Variants in RPTOR observed in about 807,000 individuals in gnomAD.
RPTOR encodes the protein regulatory-associated protein of mTOR.
Under a neutral mutation model 169.9 loss-of-function variants are expected in RPTOR, and 21 were observed. The observed-to-expected ratio is 0.12, with a 90% confidence interval of 0.09 to 0.18. RPTOR has a LOEUF of 0.18. RPTOR is among the 10% of genes least tolerant of loss of function. The pLI is 1.00. For missense variants in RPTOR, 1,133 were observed against 1,855.9 expected (o/e 0.61, Z 7.16); for synonymous variants, 732 against 753.2 (o/e 0.97, Z 0.46).
chr17:80,854,695 C>G (rs934716454), intron 11 of RPTOR, among the ~76,000 whole-genome samples: 3 of 152,202 alleles, frequency 2.0e-5, no homozygotes, highest in Non-Finnish European at 4.4e-5. Context: ...AAGTTCAAGA[C>G]CTGCATGGGC....
intron 3 of RPTOR, among the ~76,000 whole-genome samples, chr17:80,687,336 A>G (rs1394112139): frequency 6.6e-6 from 1 of 152,176 alleles, no homozygotes; most frequent in Non-Finnish European, 1.5e-5. Flanking sequence ...TCAGATTGTC[A>G]TCTGATCGAG....
intron 24 of RPTOR, among the ~76,000 whole-genome samples, chr17:80,930,179 C>G (rs1418493645): frequency 9.1e-6 from 1 of 110,486 alleles, no homozygotes; most frequent in Admixed American, 9.2e-5. Context: ...TCATGCCCAG[C>G]TCATCCCCAG....
rs2067475405 is a variant in RPTOR at position 80,829,094 on chromosome 17, A to G, written c.1136+5871A>G. Among the ~76,000 whole-genome samples, 2 of 152,250 alleles carry G rather than the reference A, an allele frequency of 1.3e-5. 1 individual carries two copies. Among genetic ancestry groups the G allele is most frequent in the South Asian group, 4.1e-4 (2 of 4,832 alleles). On this transcript the variant is annotated intron_variant, in intron 9 of 33. Coordinates refer to ENST00000306801, the MANE Select transcript of RPTOR (RefSeq NM_020761.3). The stretch of plus-strand genomic sequence containing the variant: ...AAATTGATAGATATTACTTTGGTTA[A>G]TTAAAAGTCTGCCTGTAGATTTTCT...
At chr17:80,654,561 G>A (rs1243544841) in intron 3 of RPTOR, among the ~76,000 whole-genome samples, 5 of 152,228 alleles carry the variant, frequency 3.3e-5, no homozygotes, top group Admixed American at 2.6e-4. Context: ...GATTTAAAGC[G>A]CATAGCAGAA....
At chr17:80,614,690 A>G (rs2065295861) in intron 1 of RPTOR, among the ~76,000 whole-genome samples, 1 of 152,268 alleles carries the variant, frequency 6.6e-6, no homozygotes, top group Non-Finnish European at 1.5e-5. Context: ...CAGGCTGTAG[A>G]AACCATCTCA....
At chr17:80,547,510 T>G (rs1445177038) in intron 1 of RPTOR, among the ~76,000 whole-genome samples, 1 of 152,176 alleles carries the variant, frequency 6.6e-6, no homozygotes, top group East Asian at 1.9e-4. Flanking sequence ...GAAACAAAAG[T>G]TCTGTGACTC....
At chr17:80,591,071 A>AG (rs1568323100) in intron 1 of RPTOR, among the ~76,000 whole-genome samples, 1 of 143,302 alleles carries the variant, frequency 7.0e-6, no homozygotes, top group Non-Finnish European at 1.5e-5. Flanking sequence ...AGAGTTGTTC[A>AG]AAGTCACCTC....
chr17:80,770,419 G>A (rs1187223468), intron 6 of RPTOR, among the ~76,000 whole-genome samples: 4 of 152,288 alleles, frequency 2.6e-5, no homozygotes, highest in South Asian at 4.1e-4. Context: ...CAGCAGCAGC[G>A]TGGTCCGGGC....
chr17:80,722,473 A>G (rs8069141), intron 4 of RPTOR, among the ~76,000 whole-genome samples: 148,564 of 150,600 alleles, frequency 0.99, 73,347 homozygotes, highest in East Asian at 1. Flanking sequence ...AAGCTGGGAA[A>G]CTTTGGAAGA....
intron 5 of RPTOR, among the ~76,000 whole-genome samples, chr17:80,753,701 A>G (rs2066652781): frequency 6.6e-6 from 1 of 151,180 alleles, no homozygotes; most frequent in Admixed American, 6.6e-5. Context: ...GACCTGGTGG[A>G]CAGTGATACA....
intron 9 of RPTOR, among the ~76,000 whole-genome samples, chr17:80,833,984 G>A (rs572395694): frequency 1.3e-5 from 2 of 152,350 alleles, no homozygotes; most frequent in East Asian, 3.9e-4. Flanking sequence ...GTGAGACTCC[G>A]TCTCAAAAAA....
At chr17:80,835,335 C>T (rs906773142) in intron 9 of RPTOR, among the ~76,000 whole-genome samples, 4 of 152,060 alleles carry the variant, frequency 2.6e-5, no homozygotes, top group South Asian at 2.1e-4. Flanking sequence ...CCCTTTGACA[C>T]GGCAGCACGG....
chr17:80,700,766 GTGA>G (rs1567864756), intron 3 of RPTOR, among the ~76,000 whole-genome samples: 15 of 143,016 alleles, frequency 1.0e-4, no homozygotes, highest in Non-Finnish European at 1.7e-4. Context: ...GATGGTGATG[GTGA>G]TGGTAGAGAT....
At position 80,707,743 on chromosome 17, in the gene RPTOR, C is replaced by T. The variant is rs1215103302; in HGVS notation, c.349-98C>T. 5 of 1,164,804 alleles carry T rather than the reference C, an allele frequency of 4.3e-6. No homozygotes were observed. The highest frequency in any genetic ancestry group is 6.1e-6 in the Non-Finnish European group (5 of 819,850). 72.2% of individuals were successfully genotyped at this position (1,164,804 alleles called of 1,614,324 possible). A position where few individuals can be genotyped will look rare whatever the true frequency, so the allele number is the denominator to read the frequency against. On this transcript the variant is annotated intron_variant, in intron 3 of 33. Transcript: ENST00000306801. The surrounding 1 kb of genome is among the most constrained non-coding windows in gnomAD (Gnocchi z 5.0). ...TCAGAGCCATGTGTCCAGGACCACA[C>T]AGCTATTAACTGCAAACCCAGAGGA... is the stretch of plus-strand genomic sequence containing the variant.
intron 11 of RPTOR, among the ~76,000 whole-genome samples, chr17:80,852,073 G>T (rs1225319350): frequency 6.6e-6 from 1 of 152,172 alleles, no homozygotes; most frequent in Non-Finnish European, 1.5e-5. Flanking sequence ...CACACAGAGA[G>T]TCAGTCCTTA....
chr17:80,838,370 G>A (rs532276173), intron 10 of RPTOR, among the ~76,000 whole-genome samples: 3 of 152,252 alleles, frequency 2.0e-5, no homozygotes, highest in South Asian at 2.1e-4. Flanking sequence ...AGTGACCCAC[G>A]GGGGGTTTGG....
intron 20 of RPTOR, 54 bp downstream of exon 20, chr17:80,893,919 A>C: frequency 6.7e-7 from 1 of 1,490,628 alleles, no homozygotes; most frequent in Non-Finnish European, 9.0e-7. Context: ...TCTCCTCCCC[A>C]CACAGAGCAG....
At chr17:80,614,631 G>A (rs762862642) in intron 1 of RPTOR, among the ~76,000 whole-genome samples, 5 of 152,128 alleles carry the variant, frequency 3.3e-5, no homozygotes, top group Non-Finnish European at 5.9e-5. Flanking sequence ...AAATATTTCG[G>A]GCAATTAGAA....
intron 2 of RPTOR, among the ~76,000 whole-genome samples, chr17:80,640,485 T>C (rs2065544668): frequency 6.6e-6 from 1 of 152,242 alleles, no homozygotes; most frequent in South Asian, 2.1e-4. Flanking sequence ...AACCATACAA[T>C]TAACTGACCA....
Sources: gnomAD v4.1 joint callset for allele counts (sites outside exome capture counted in the v4.1 genomes callset) on GRCh38, gnomAD v4.1.1 for gene constraint, Gnocchi (gnomAD v3.1) non-coding constraint, MANE v1.5 for transcripts, NCBI Gene and HGNC (gene_info 2026-07-23, HGNC 2026-07-21) for gene names.